The following PCDHGB1 variants were observed in gnomAD, a reference collection of about 807,000 sequenced individuals.
PCDHGB1 encodes protocadherin gamma-B1.
PCDHGB1 carries 34 observed loss-of-function variants against 56.6 expected under a neutral mutation model. That is an observed-to-expected ratio of 0.60 (90% CI 0.46 to 0.80). The LOEUF is 0.80. Ranked by LOEUF, PCDHGB1 falls within the 30% of genes least tolerant of loss-of-function variation. The pLI is 0.00. For synonymous variants in PCDHGB1, 561 were observed against 505.9 expected (o/e 1.11, Z -1.46); for missense variants, 1,278 against 1,204.6 (o/e 1.06, Z -0.90).
intron 1 of PCDHGB1, among the ~76,000 whole-genome samples, chr5:141,488,261 G>T (rs993627373): frequency 6.6e-6 from 1 of 152,148 alleles, no homozygotes; most frequent in Non-Finnish European, 1.5e-5. Flanking sequence ...GGTTGGGGCG[G>T]GTTGGTCATC....
Position 141,510,868 on chromosome 5 carries a change from T to C in PCDHGB1, c.2558-79T>C, listed in dbSNP as rs2099883142. 40 of 1,608,466 alleles carry C rather than the reference T, an allele frequency of 2.5e-5. No homozygotes were observed. The Middle Eastern group carries it at 4.9e-4, about 20-fold the overall frequency. On this transcript the variant is annotated intron_variant, in intron 3 of 3. Transcript: ENST00000523390. The stretch of plus-strand genomic sequence containing the variant: ...GCCCAGGGTGCTGTATAGGCATTCA[T>C]TAACTGCTGGGGATATAAGACAGTG...
In PCDHGB1 at chr5:141,490,347, G is replaced by T; in HGVS notation, c.2410-4460G>T. On this transcript the variant is annotated intron_variant, in intron 1 of 3. Coordinates refer to ENST00000523390, the MANE Select transcript of PCDHGB1 (RefSeq NM_018922.3). This position sits in a 1 kb window ranked among gnomAD's most constrained non-coding sequence, Gnocchi z 5.4. ...AGAGCACACCAGTGGGCACAGTAGT[G>T]GGGTTGTTTAATGTGCGAGACCGGG... 1 of 1,614,180 alleles carries T rather than the reference G, an allele frequency of 6.2e-7. No homozygotes were observed.
chr5:141,495,449 G>T (rs1249221693), intron 2 of PCDHGB1, among the ~76,000 whole-genome samples: 1 of 152,194 alleles, frequency 6.6e-6, no homozygotes, highest in East Asian at 1.9e-4. Flanking sequence ...TACTTGTCCT[G>T]CTCTCTGTCT....
intron 1 of PCDHGB1, chr5:141,384,047 C>T (rs775378618): frequency 4.3e-6 from 7 of 1,612,190 alleles, no homozygotes; most frequent in African/African-American, 1.3e-5. Flanking sequence ...GGTGAGGTGA[C>T]CTGCACCATT....
intron 1 of PCDHGB1, among the ~76,000 whole-genome samples, chr5:141,401,352 G>C (rs1381325058): frequency 6.6e-6 from 1 of 152,080 alleles, no homozygotes; most frequent in Non-Finnish European, 1.5e-5. Flanking sequence ...CAAAAAAAAG[G>C]AAGGAGAAGG....
chr5:141,433,823 G>T (rs555746621), intron 1 of PCDHGB1, among the ~76,000 whole-genome samples: 2 of 144,288 alleles, frequency 1.4e-5, no homozygotes, highest in Non-Finnish European at 3.0e-5. Context: ...GGCAACAAGA[G>T]TGAAACTCTA....
Position 141,395,079 on chromosome 5 carries a change from G to A in PCDHGB1, c.2409+42410G>A, listed in dbSNP as rs777930721. On this transcript the variant is annotated intron_variant, in intron 1 of 3. Coordinates refer to ENST00000523390, the MANE Select transcript of PCDHGB1 (RefSeq NM_018922.3). ...GGCTTTCCTGCAGACCTATTCCCAG[G>A]AAGTCTCCCTCACCGCCGACTCGCG... 4.0e-5 allele frequency: 65 copies of A among 1,614,024 alleles called. 1 individual carries two copies. In the Middle Eastern group the frequency reaches 6.6e-4, roughly 16 times the overall value.
chr5:141,431,965 T>C lies in PCDHGB1; in HGVS notation c.2410-62842T>C, dbSNP rs765281339. The C allele has an allele frequency of 4.0e-5, 64 of 1,614,098 alleles. No homozygotes were observed. In the East Asian group the frequency reaches 4.9e-4, roughly 12 times the overall value. On this transcript the variant is annotated intron_variant, in intron 1 of 3. Transcript: ENST00000523390. This position sits in a 1 kb window ranked among gnomAD's most constrained non-coding sequence, Gnocchi z 4.8. Reference sequence around the variant, plus strand: ...TAGAAAAATCTTACGGAAATTACTATAGTTTAGTCACAGACATAGTCTTGG... The same window carrying C: ...TAGAAAAATCTTACGGAAATTACTACAGTTTAGTCACAGACATAGTCTTGG...
intron 1 of PCDHGB1, among the ~76,000 whole-genome samples, chr5:141,447,023 GT>G (rs5871773): frequency 0.034 from 5,146 of 151,536 alleles, 101 homozygotes; most frequent in Middle Eastern, 0.088. Flanking sequence ...GTTTTGTTTT[GT>G]TTTTTTTCTG....
intron 1 of PCDHGB1, chr5:141,361,035 A>C: frequency 6.2e-7 from 1 of 1,613,478 alleles, no homozygotes; most frequent in Non-Finnish European, 8.5e-7. Context: ...AAACAGGAGA[A>C]ATCACGACAA....
rs1158003183 is a variant in PCDHGB1, at chr5:141,397,388, G to A, written c.2409+44719G>A. Among the ~76,000 whole-genome samples the A allele has an allele frequency of 3.9e-5, 6 of 152,232 alleles. No individual in the cohort carries two copies. In the East Asian group the frequency reaches 1.2e-3, roughly 29 times the overall value. Reference sequence around the variant, plus strand: ...GATGTTTGGGGATTGGTATAAAATTGCCACAACTTTACAAAATAGTTTTAA... The same window carrying A: ...GATGTTTGGGGATTGGTATAAAATTACCACAACTTTACAAAATAGTTTTAA... On this transcript the variant is annotated intron_variant, in intron 1 of 3. Transcript: ENST00000523390.
At chr5:141,483,064 A>G (rs1245942485) in intron 1 of PCDHGB1, among the ~76,000 whole-genome samples, 2 of 152,142 alleles carry the variant, frequency 1.3e-5, no homozygotes, top group Non-Finnish European at 2.9e-5. Context: ...CAGCATGGGC[A>G]ACAGAGAGAG....
intron 1 of PCDHGB1, chr5:141,408,475 CCGT>C: frequency 6.2e-7 from 1 of 1,614,032 alleles, no homozygotes; most frequent in Non-Finnish European, 8.5e-7. Context: ...ACCGAATAGA[CCGT>C]GAGCAAATAT....
intron 1 of PCDHGB1, chr5:141,433,260 C>A: frequency 1.5e-6 from 2 of 1,352,308 alleles, no homozygotes; most frequent in South Asian, 1.4e-5. Flanking sequence ...GCGGTACGAT[C>A]ATAGCTCACT....
At chr5:141,506,700 G>A (rs780282969) in intron 3 of PCDHGB1, among the ~76,000 whole-genome samples, 3 of 152,138 alleles carry the variant, frequency 2.0e-5, no homozygotes, top group Non-Finnish European at 2.9e-5. Flanking sequence ...ACCCAAACCC[G>A]TTTTTTACTG....
intron 1 of PCDHGB1, among the ~76,000 whole-genome samples, chr5:141,424,906 A>T (rs1417615946): frequency 5.9e-5 from 9 of 152,212 alleles, no homozygotes. Context: ...GATCACAGGA[A>T]TCATTTCCAT....
Position 141,490,348 on chromosome 5 carries a change from G to T in PCDHGB1, c.2410-4459G>T, listed in dbSNP as rs2099698964. On this transcript the variant is annotated intron_variant, in intron 1 of 3. Transcript: ENST00000523390. The surrounding 1 kb of genome is among the most constrained non-coding windows in gnomAD (Gnocchi z 5.4). ...GAGCACACCAGTGGGCACAGTAGTG[G>T]GGTTGTTTAATGTGCGAGACCGGGA... The T allele has an allele frequency of 1.2e-6, 2 of 1,614,080 alleles. No homozygotes were observed. The highest frequency in any genetic ancestry group is 3.3e-5 in the Admixed American group (2 of 60,018).
chr5:141,384,425 C>T lies in PCDHGB1; in HGVS notation c.2409+31756C>T. ...GTGTCCTCCTATGTCTCCATAAACT[C>T]TGACACTGGAGTCCTGTACGCGCTG... On this transcript the variant is annotated intron_variant, in intron 1 of 3. Coordinates refer to ENST00000523390, the MANE Select transcript of PCDHGB1 (RefSeq NM_018922.3). 1.9e-6 allele frequency: 3 copies of T among 1,613,982 alleles called. No individual in the cohort carries two copies. The South Asian group carries it at 3.3e-5, about 18-fold the overall frequency.
At chr5:141,501,290 TACAC>T (rs55762287) in intron 2 of PCDHGB1, among the ~76,000 whole-genome samples, 45,565 of 135,778 alleles carry the variant, frequency 0.34, 7,845 homozygotes, top group Non-Finnish European at 0.42. Flanking sequence ...TATTCCCTTA[TACAC>T]ACACACACAC....
Sources: allele counts gnomAD v4.1 joint callset (sites outside exome capture counted in the v4.1 genomes callset), GRCh38; gene constraint gnomAD v4.1.1; non-coding constraint Gnocchi (gnomAD v3.1); transcripts MANE v1.5; gene names NCBI Gene and HGNC (gene_info 2026-07-23, HGNC 2026-07-21).